DNAH14: variants seen among roughly 807,000 people sequenced by gnomAD.
DNAH14 encodes dynein axonemal heavy chain 14, also known as axonemal beta dynein heavy chain 14.
DNAH14 carries 478 observed loss-of-function variants against 520.9 expected under a neutral mutation model. The ratio of observed to expected loss-of-function variants is 0.92; its 90% CI spans 0.85 to 0.99. The LOEUF (loss-of-function observed/expected upper bound fraction) is 0.99. Ranked by LOEUF, DNAH14 falls within the 50% of genes least tolerant of loss-of-function variation. The pLI, the probability that DNAH14 is intolerant of heterozygous loss-of-function variation, is 0.00. For synonymous variants in DNAH14, 1,581 were observed against 1,757.2 expected (o/e 0.90, Z 2.51); for missense variants, 4,831 against 5,234.5 (o/e 0.92, Z 2.38).
chr1:225,335,655 A>G (rs529355702), intron 66 of DNAH14, among the ~76,000 whole-genome samples: 1 of 125,310 alleles, frequency 8.0e-6, no homozygotes, highest in Non-Finnish European at 1.7e-5. Flanking sequence ...GTATATACGC[A>G]TATATACATA....
At chr1:225,036,222 G>A (rs1006850050) in intron 11 of DNAH14, among the ~76,000 whole-genome samples, 3 of 151,984 alleles carry the variant, frequency 2.0e-5, no homozygotes, top group Non-Finnish European at 2.9e-5. Flanking sequence ...TGCAACCTCC[G>A]CCTCCCAGGT....
Position 225,080,539 on chromosome 1 carries a change from T to A in DNAH14, c.2927T>A (p.Val976Asp). 6.4e-7 allele frequency: 1 copy of A among 1,551,902 alleles called. No individual in the cohort carries two copies. Among genetic ancestry groups the A allele is most frequent in the South Asian group, 1.2e-5 (1 of 84,058 alleles). Residue 976 changes from valine to aspartate, a missense_variant, in exon 19 of 86, where the codon GTT (valine) becomes GAT (aspartate). Physicochemically the swap from Val to Asp is radical, Grantham distance 152 (BLOSUM62 -3). Coordinates refer to ENST00000682510, the MANE Select transcript of DNAH14 (RefSeq NM_001367479.1). ...FSDSQSHMHSVNVEEITQIVL... is the reference protein window; with the variant it reads ...FSDSQSHMHSDNVEEITQIVL... ...GATTCTCAATCTCATATGCATTCTG[T>A]TAATGTGGAAGAAATTACACAGATT...
intron 27 of DNAH14, among the ~76,000 whole-genome samples, chr1:225,129,787 G>A (rs2078180603): frequency 1.3e-5 from 2 of 152,058 alleles, no homozygotes; most frequent in Admixed American, 6.5e-5. Flanking sequence ...AACACCAAAA[G>A]CAATGGCAAC....
intron 15 of DNAH14, among the ~76,000 whole-genome samples, chr1:225,046,028 G>A (rs1464442502): frequency 1.3e-5 from 2 of 151,622 alleles, no homozygotes; most frequent in African/African-American, 2.4e-5. Flanking sequence ...AGGAGTAGCT[G>A]TTCCTTTTCC....
At chr1:225,195,238 G>A (rs765769560) in intron 38 of DNAH14, among the ~76,000 whole-genome samples, 14 of 151,998 alleles carry the variant, frequency 9.2e-5, no homozygotes, top group African/African-American at 1.2e-4. Context: ...ACACAGAATA[G>A]CAAAGACATG....
chr1:225,377,826 T>A (rs1036940880), intron 79 of DNAH14, among the ~76,000 whole-genome samples: 1 of 152,234 alleles, frequency 6.6e-6, no homozygotes, highest in Non-Finnish European at 1.5e-5. Flanking sequence ...GATATTTGAA[T>A]GTTTGACCCC....
chr1:225,029,511 T>C lies in DNAH14; in HGVS notation c.1358+5646T>C, dbSNP rs115053575. On this transcript the variant is annotated intron_variant, in intron 11 of 85. Transcript: ENST00000682510. The stretch of plus-strand genomic sequence containing the variant: ...ACTTGTCAGATACTTTGTTAGATCC[T>C]GGACATACAATGCTGAGCAAAATAG... 4.7e-3 allele frequency among the ~76,000 whole-genome samples: 719 copies of C among 152,182 alleles called. 4 individuals are homozygous for C. Among genetic ancestry groups the C allele is most frequent in the African/African-American group, 0.016 (675 of 41,562 alleles).
intron 23 of DNAH14, among the ~76,000 whole-genome samples, chr1:225,104,904 T>C (rs1292204007): frequency 6.6e-6 from 1 of 152,224 alleles, no homozygotes; most frequent in Non-Finnish European, 1.5e-5. Context: ...GCTCTGGTCT[T>C]AGTTATTTCT....
intron 55 of DNAH14, among the ~76,000 whole-genome samples, chr1:225,295,936 A>G (rs1364943869): frequency 6.6e-6 from 1 of 152,194 alleles, no homozygotes; most frequent in East Asian, 1.9e-4. Context: ...TGTTGGGTAC[A>G]TATATATTTA....
chr1:225,115,462 T>C (rs1013840205), intron 23 of DNAH14, among the ~76,000 whole-genome samples: 1 of 152,220 alleles, frequency 6.6e-6, no homozygotes, highest in Admixed American at 6.5e-5. Flanking sequence ...ATTTGTGGTG[T>C]ACATATTCAC....
chr1:225,249,600 G>T (rs970013205), intron 43 of DNAH14, among the ~76,000 whole-genome samples: 2 of 152,150 alleles, frequency 1.3e-5, no homozygotes, highest in African/African-American at 4.8e-5. Context: ...GAGCTTGAAT[G>T]AGGTATATTT....
At chr1:224,991,073 G>GTGATGT (rs2125756889) in intron 8 of DNAH14, among the ~76,000 whole-genome samples, 1 of 127,486 alleles carries the variant, frequency 7.8e-6, no homozygotes, top group South Asian at 2.8e-4. Flanking sequence ...CTAATGATTA[G>GTGATGT]TGATGTTGAG....
chr1:225,097,200 T>C lies in DNAH14; in HGVS notation c.3656T>C (p.Leu1219Pro). 1 of 1,550,740 alleles carries C rather than the reference T, an allele frequency of 6.4e-7. No homozygotes were observed. The highest frequency in any genetic ancestry group is 8.7e-7 in the Non-Finnish European group (1 of 1,146,484). The part of the protein sequence containing the change: ...EEWMNCQRNW[L>P]YLEPVFHSSE... ...TGGATGAATTGTCAAAGAAATTGGC[T>C]TTATCTTGAACCAGTCTTTCATTCT... The change falls in exon 22 of 86, where the codon CTT (leucine) becomes CCT (proline). Residue 1219 changes from leucine to proline, a missense_variant. Transcript: ENST00000682510.
intron 17 of DNAH14, among the ~76,000 whole-genome samples, chr1:225,055,441 C>T (rs2068939006): frequency 1.3e-5 from 2 of 152,210 alleles, no homozygotes; most frequent in Middle Eastern, 3.4e-3. Context: ...TTACTGTAAC[C>T]TCAAACTCAA....
rs975839494 is a variant in DNAH14, at chr1:225,232,244, A to G, written c.6518+1093A>G. 2.0e-5 allele frequency among the ~76,000 whole-genome samples: 3 copies of G among 150,364 alleles called. No homozygotes were observed. The highest frequency in any genetic ancestry group is 4.5e-5 in the Non-Finnish European group (3 of 67,326). On this transcript the variant is annotated intron_variant, in intron 42 of 85. Coordinates refer to ENST00000682510, the MANE Select transcript of DNAH14 (RefSeq NM_001367479.1). The surrounding 1 kb of genome is among the most constrained non-coding windows in gnomAD (Gnocchi z 4.2). ...TCTTTTCACTGCTACCTACTAGTCCATTGTCATTATATATATAAACTGTGA... is the reference window on the plus strand; with the variant it reads ...TCTTTTCACTGCTACCTACTAGTCCGTTGTCATTATATATATAAACTGTGA...
chr1:225,156,544 C>T (rs556044552), intron 34 of DNAH14, among the ~76,000 whole-genome samples: 3 of 152,222 alleles, frequency 2.0e-5, no homozygotes, highest in African/African-American at 7.2e-5. Flanking sequence ...AACCTCAGCT[C>T]TAGTCAATCA....
rs2093288285 is a variant in DNAH14 at position 225,270,642 on chromosome 1, A to G, written c.7540-93A>G. On this transcript the variant is annotated intron_variant, in intron 49 of 85. Coordinates refer to ENST00000682510, the MANE Select transcript of DNAH14 (RefSeq NM_001367479.1). The stretch of plus-strand genomic sequence containing the variant: ...TAAATCTTTTTGTCTAAATGTTTTT[A>G]AATGTTTTGTCCAATTTGGGACAGA... The G allele has an allele frequency of 3.7e-6, 4 of 1,091,404 alleles. No homozygotes were observed. The African/African-American group carries it at 4.8e-5, about 13-fold the overall frequency. The allele number at this position is 1,091,404 out of a possible 1,614,324, so 67.6% of individuals were successfully genotyped here.
At chr1:225,325,372 C>G (rs2094638658) in intron 64 of DNAH14, among the ~76,000 whole-genome samples, 1 of 151,734 alleles carries the variant, frequency 6.6e-6, no homozygotes, top group Non-Finnish European at 1.5e-5. Context: ...GTAATACCAG[C>G]TACTTGGGAG....
rs150154594 is a variant in DNAH14, at chr1:225,390,620, G to A, written c.13330+747G>A. Reference sequence around the variant, plus strand: ...CCTTCACTAAGAACCAGGCAAGCCCGCTAAGGAAATAACATCTAGGATGTC... The same window carrying A: ...CCTTCACTAAGAACCAGGCAAGCCCACTAAGGAAATAACATCTAGGATGTC... On this transcript the variant is annotated intron_variant, in intron 83 of 85. Coordinates refer to ENST00000682510, the MANE Select transcript of DNAH14 (RefSeq NM_001367479.1). Among the ~76,000 whole-genome samples the A allele has an allele frequency of 4.6e-5, 7 of 152,246 alleles. No individual in the cohort carries two copies. In the South Asian group the frequency reaches 6.2e-4, roughly 14 times the overall value.
Sources: gnomAD v4.1 joint callset for allele counts (sites outside exome capture counted in the v4.1 genomes callset) on GRCh38, gnomAD v4.1.1 for gene constraint, Gnocchi (gnomAD v3.1) non-coding constraint, MANE v1.5 for transcripts, NCBI Gene and HGNC (gene_info 2026-07-23, HGNC 2026-07-21) for gene names.